GRID1: variants seen among roughly 807,000 people sequenced by gnomAD.
GRID1 encodes glutamate ionotropic receptor delta type subunit 1.
In GRID1, 28 loss-of-function variants were observed where a neutral mutation model predicts 98.0. The observed-to-expected ratio is 0.29, with a 90% CI of 0.21 to 0.39. The LOEUF (loss-of-function observed/expected upper bound fraction) is 0.39, where lower values mean the gene tolerates loss of function less well. GRID1 is among the 10% of genes least tolerant of loss of function. The probability of loss-of-function intolerance (pLI) is 1.00; values close to 1 mark genes in which losing one functional copy is unlikely to be tolerated. For synonymous variants in GRID1, 553 were observed against 538.5 expected (o/e 1.03, Z -0.37); for missense variants, 1,111 against 1,340.5 (o/e 0.83, Z 2.67).
chr10:86,187,293 T>C (rs906866395), intron 3 of GRID1, among the ~76,000 whole-genome samples: 1 of 152,054 alleles, frequency 6.6e-6, no homozygotes, highest in Non-Finnish European at 1.5e-5. Context: ...AGGCACTGAG[T>C]GTTATTCTGG....
At chr10:86,087,783 C>T (rs1017845349) in intron 4 of GRID1, among the ~76,000 whole-genome samples, 4 of 152,142 alleles carry the variant, frequency 2.6e-5, no homozygotes, top group African/African-American at 9.7e-5. Context: ...GGCTGCTGGC[C>T]CACCTCCCTC....
chr10:86,286,324 T>A (rs887253918), intron 2 of GRID1, among the ~76,000 whole-genome samples: 3 of 152,094 alleles, frequency 2.0e-5, no homozygotes, highest in Non-Finnish European at 4.4e-5. Context: ...TGCTGTGCCT[T>A]TATTGAGGAC....
chr10:85,599,802 A>AAAAAAAAAAAAAAAAAAATAT lies in GRID1; in HGVS notation c.*2470_*2471insATATTTTTTTTTTTTTTTTTT. On this transcript the variant is annotated 3_prime_UTR_variant, in exon 16 of 16. Coordinates refer to ENST00000327946, the MANE Select transcript of GRID1 (RefSeq NM_017551.3). ...GTAGAAAATTCTAAAAAAAAAAAAAAATATATATATATATATATAAACATG... is the reference window on the plus strand; with the variant it reads ...GTAGAAAATTCTAAAAAAAAAAAAAAAAAAAAAAAAAAAAAAAATATATATATATATATATATATAAACATG... 2.0e-4 allele frequency: 13 copies of AAAAAAAAAAAAAAAAAAATAT among 64,950 alleles called. No homozygotes were observed. The highest frequency in any genetic ancestry group is 1.0e-3 in the African/African-American group (11 of 10,700). 4.0% of individuals were successfully genotyped at this position (64,950 alleles called of 1,614,324 possible).
intron 2 of GRID1, among the ~76,000 whole-genome samples, chr10:86,331,111 C>T (rs1249564849): frequency 1.3e-5 from 2 of 152,242 alleles, no homozygotes; most frequent in Non-Finnish European, 2.9e-5. Flanking sequence ...ATCTGGAAGC[C>T]CATCGCTGAT....
At chr10:85,899,617 T>A (rs1197088793) in intron 5 of GRID1, among the ~76,000 whole-genome samples, 1 of 152,170 alleles carries the variant, frequency 6.6e-6, no homozygotes, top group Non-Finnish European at 1.5e-5. Flanking sequence ...CTATAAAGCA[T>A]CCAAAGCAGG....
rs372952287 is a variant in GRID1, at chr10:86,057,429, G to A, written c.726+81390C>T. On this transcript the variant is annotated intron_variant, in intron 4 of 15. Coordinates refer to ENST00000327946, the MANE Select transcript of GRID1 (RefSeq NM_017551.3). ...CAGACATGGCCTGTATCCCCATCCTGCTTAGTGCAGCTGCACTGCATCAAC... is the reference window on the plus strand; with the variant it reads ...CAGACATGGCCTGTATCCCCATCCTACTTAGTGCAGCTGCACTGCATCAAC... 3.9e-5 allele frequency among the ~76,000 whole-genome samples: 6 copies of A among 152,262 alleles called. No individual in the cohort carries two copies. The South Asian group carries it at 6.2e-4, about 16-fold the overall frequency.
At chr10:85,681,166 G>A (rs7913276) in intron 12 of GRID1, among the ~76,000 whole-genome samples, 1,763 of 152,022 alleles carry the variant, frequency 0.012, 35 homozygotes, top group African/African-American at 0.039. Flanking sequence ...CCCTAATCTC[G>A]TATTGCAGGC....
chr10:86,254,390 A>C (rs1156394139), intron 2 of GRID1, among the ~76,000 whole-genome samples: 3 of 152,222 alleles, frequency 2.0e-5, no homozygotes, highest in Non-Finnish European at 2.9e-5. Context: ...ATCTCCTGGG[A>C]ACTTGTTAGA....
At chr10:86,339,587 A>G (rs1043514859) in intron 2 of GRID1, among the ~76,000 whole-genome samples, 5 of 152,234 alleles carry the variant, frequency 3.3e-5, no homozygotes, top group African/African-American at 1.2e-4. Context: ...GCCCTCAGGC[A>G]TGGCCATGTG....
chr10:86,127,430 T>A (rs1389298873), intron 4 of GRID1, among the ~76,000 whole-genome samples: 1 of 152,156 alleles, frequency 6.6e-6, no homozygotes, highest in Non-Finnish European at 1.5e-5. Flanking sequence ...AAGCCACTAG[T>A]AGCTGCTCCT....
At chr10:86,179,043 G>A (rs876859) in intron 3 of GRID1, among the ~76,000 whole-genome samples, 4,170 of 152,206 alleles carry the variant, frequency 0.027, 71 homozygotes, top group Non-Finnish European at 0.043. Flanking sequence ...CCAAGGATGG[G>A]ATGGAATGCC....
chr10:86,334,427 C>A (rs961251508), intron 2 of GRID1, among the ~76,000 whole-genome samples: 3 of 152,074 alleles, frequency 2.0e-5, no homozygotes, highest in Non-Finnish European at 4.4e-5. Context: ...CCCAAGGTTG[C>A]CCTAAGCAAC....
At chr10:85,708,659 A>G (rs1393548442) in intron 12 of GRID1, 1 of 152,256 alleles carries the variant, frequency 6.6e-6, no homozygotes, top group Non-Finnish European at 1.5e-5. Context: ...ACATAAGTGC[A>G]TAAAGCAAAA....
chr10:86,190,863 C>T (rs1338855202), intron 3 of GRID1, among the ~76,000 whole-genome samples: 1 of 151,740 alleles, frequency 6.6e-6, no homozygotes, highest in Non-Finnish European at 1.5e-5. Flanking sequence ...TCTATGTGCA[C>T]ATGTGTGCAT....
At chr10:86,004,807 G>A (rs548357503) in intron 4 of GRID1, among the ~76,000 whole-genome samples, 3 of 151,750 alleles carry the variant, frequency 2.0e-5, no homozygotes, top group South Asian at 4.2e-4. Flanking sequence ...TCCCTCCAGC[G>A]CTTGCCCAGT....
At chr10:85,922,866 C>T (rs1275282680) in intron 4 of GRID1, among the ~76,000 whole-genome samples, 1 of 152,122 alleles carries the variant, frequency 6.6e-6, no homozygotes, top group Admixed American at 6.5e-5. Context: ...TATCACAGAA[C>T]TTTCTCAGCC....
At chr10:86,056,717 C>T (rs912623563) in intron 4 of GRID1, among the ~76,000 whole-genome samples, 6 of 152,240 alleles carry the variant, frequency 3.9e-5, no homozygotes, top group Non-Finnish European at 5.9e-5. Flanking sequence ...CCAGGTCACA[C>T]GCACAGCCTC....
chr10:86,162,077 G>A lies in GRID1; in HGVS notation c.521-23053C>T, dbSNP rs181018197. On this transcript the variant is annotated intron_variant, in intron 3 of 15. Transcript: ENST00000327946. ...CAACCAGTGGTAGGGCAGTGGCAGGGTGTTTTTGCAATGCCATTTCACTTC... is the reference window on the plus strand; with the variant it reads ...CAACCAGTGGTAGGGCAGTGGCAGGATGTTTTTGCAATGCCATTTCACTTC... Among the ~76,000 whole-genome samples, 3 of 152,282 alleles carry A rather than the reference G, an allele frequency of 2.0e-5. No homozygotes were observed. In the East Asian group the frequency reaches 5.8e-4, roughly 29 times the overall value.
intron 4 of GRID1, among the ~76,000 whole-genome samples, chr10:85,921,852 G>A (rs557920590): frequency 5.3e-5 from 8 of 152,272 alleles, no homozygotes; most frequent in African/African-American, 9.6e-5. Context: ...TTCCAAGGGC[G>A]ACGAGAGCTT....
Sources: gnomAD v4.1 joint callset for allele counts (sites outside exome capture counted in the v4.1 genomes callset) on GRCh38, gnomAD v4.1.1 for gene constraint, MANE v1.5 for transcripts, NCBI Gene and HGNC (gene_info 2026-07-23, HGNC 2026-07-21) for gene names.